Variants in SHISA9 observed in about 807,000 individuals in gnomAD.
The protein encoded by SHISA9 is shisa family member 9.
A neutral mutation model predicts 38.0 loss-of-function variants in SHISA9; 13 were observed. The observed-to-expected ratio is 0.34, with a 90% confidence interval of 0.22 to 0.54. SHISA9 has a LOEUF of 0.54. Among genes scored for constraint, SHISA9 ranks in the 20% least tolerant of loss-of-function variants. The pLI is 0.91. For synonymous variants in SHISA9, 275 were observed against 242.0 expected (o/e 1.14, Z -1.27); for missense variants, 538 against 575.8 (o/e 0.93, Z 0.67).
At chr16:13,318,850 AAC>A in the SHISA9 span, among the ~76,000 whole-genome samples, 1 of 152,312 alleles carries the variant, frequency 6.6e-6, no homozygotes, top group Non-Finnish European at 1.5e-5. Context: ...GAAACTACAA[AAC>A]ACACTTCAAA....
the SHISA9 span, among the ~76,000 whole-genome samples, chr16:13,339,202 G>A: frequency 7.2e-6 from 1 of 139,102 alleles, no homozygotes; most frequent in Admixed American, 7.7e-5. Flanking sequence ...GACACAGTCT[G>A]GTCTGTATGG....
the SHISA9 span, among the ~76,000 whole-genome samples, chr16:13,410,188 A>G: frequency 6.6e-6 from 1 of 152,330 alleles, no homozygotes; most frequent in Non-Finnish European, 1.5e-5. Context: ...GTTGATTTTT[A>G]GTATGAAATT....
chr16:13,469,365 A>AAGAAAGAAAAAAAG, the SHISA9 span, among the ~76,000 whole-genome samples: 1 of 64,456 alleles, frequency 1.6e-5, no homozygotes, highest in Non-Finnish European at 3.1e-5. Context: ...AAAGAAAAGA[A>AAGAAAGAAAAAAAG]AAAGAAAGAA....
chr16:13,132,212 T>C (rs988058727), intron 2 of SHISA9, among the ~76,000 whole-genome samples: 2 of 152,174 alleles, frequency 1.3e-5, no homozygotes, highest in Non-Finnish European at 2.9e-5. Flanking sequence ...GGTGACTTTG[T>C]GTGTCTTAGT....
In SHISA9 at chr16:13,239,095, T is replaced by G. The variant is rs1046826197; in HGVS notation, c.*3686T>G. On this transcript the variant is annotated 3_prime_UTR_variant, in exon 5 of 5. Coordinates refer to ENST00000558583, the MANE Select transcript of SHISA9 (RefSeq NM_001145204.3). ...GTGAGAACATGCAGTGTTTGGTTTT[T>G]TTGTCCTTGCGATAGTTTACTGAGA... is the stretch of plus-strand genomic sequence containing the variant. 2 of 150,496 alleles carry G rather than the reference T, an allele frequency of 1.3e-5. No individual in the cohort carries two copies. Among genetic ancestry groups the G allele is most frequent in the African/African-American group, 4.9e-5 (2 of 40,996 alleles). 9.3% of individuals were successfully genotyped at this position (150,496 alleles called of 1,614,324 possible). A position where few individuals can be genotyped will look rare whatever the true frequency, so the allele number is the denominator to read the frequency against.
the SHISA9 span, among the ~76,000 whole-genome samples, chr16:13,441,260 G>A: frequency 2.0e-5 from 3 of 152,172 alleles, no homozygotes. Context: ...GCTTAAACCT[G>A]CCAGGCTCAG....
At chr16:13,328,591 TACACACACACACACACAC>T in the SHISA9 span, among the ~76,000 whole-genome samples, 123 of 139,968 alleles carry the variant, frequency 8.8e-4, 1 homozygote, top group East Asian at 4.3e-4. Context: ...TATATGTGTA[TACACACACACACACACAC>T]ACACACACAC....
intron 2 of SHISA9, among the ~76,000 whole-genome samples, chr16:13,032,137 G>A (rs6498370): frequency 0.78 from 118,129 of 152,004 alleles, 46,374 homozygotes; most frequent in African/African-American, 0.89. Flanking sequence ...TAAGCCCCGC[G>A]TGCATTAGGT....
chr16:13,084,200 T>A (rs903577437), intron 2 of SHISA9, among the ~76,000 whole-genome samples: 6 of 152,180 alleles, frequency 3.9e-5, no homozygotes, highest in African/African-American at 1.4e-4. Flanking sequence ...CAATCCAAGT[T>A]CACAGAGAGA....
intron 2 of SHISA9, among the ~76,000 whole-genome samples, chr16:13,087,820 C>T (rs766073560): frequency 6.6e-6 from 1 of 151,676 alleles, no homozygotes; most frequent in Non-Finnish European, 1.5e-5. Context: ...TGCAGAAGCT[C>T]TTTAATTAGA....
chr16:13,509,372 C>T, the SHISA9 span, among the ~76,000 whole-genome samples: 1 of 152,106 alleles, frequency 6.6e-6, no homozygotes, highest in Non-Finnish European at 1.5e-5. Context: ...ACTCAGACTG[C>T]CTGGATTCAA....
Position 13,115,679 on chromosome 16 carries a change from A to G in SHISA9, c.692-87715A>G, listed in dbSNP as rs1347613519. 4.6e-5 allele frequency among the ~76,000 whole-genome samples: 7 copies of G among 152,296 alleles called. No homozygotes were observed. The East Asian group carries it at 9.7e-4, about 21-fold the overall frequency. On this transcript the variant is annotated intron_variant, in intron 2 of 4. Coordinates refer to ENST00000558583, the MANE Select transcript of SHISA9 (RefSeq NM_001145204.3). ...CCAGATTTTGGGAGGCTTGCTCCCAACACCGTATGCCCCAGGCACCAAATA... is the reference window on the plus strand; with the variant it reads ...CCAGATTTTGGGAGGCTTGCTCCCAGCACCGTATGCCCCAGGCACCAAATA...
intron 1 of SHISA9, chr16:12,911,033 C>T (rs78315047): frequency 5.4e-4 from 89 of 165,390 alleles, no homozygotes; most frequent in African/African-American, 2.1e-3. Context: ...CAGAAACACC[C>T]AGAATAATGT....
chr16:13,315,629 G>T, the SHISA9 span, among the ~76,000 whole-genome samples: 1 of 152,184 alleles, frequency 6.6e-6, no homozygotes, highest in Non-Finnish European at 1.5e-5. Flanking sequence ...TTTCTCATCT[G>T]TAAAATGGGA....
chr16:13,379,454 C>G, the SHISA9 span, among the ~76,000 whole-genome samples: 1 of 152,316 alleles, frequency 6.6e-6, no homozygotes, highest in African/African-American at 2.4e-5. Flanking sequence ...GTCCCCCCGC[C>G]ACTTCCCTCC....
the SHISA9 span, among the ~76,000 whole-genome samples, chr16:13,484,794 A>T: frequency 2.0e-5 from 3 of 152,056 alleles, no homozygotes; most frequent in African/African-American, 2.4e-5. Context: ...GTTGCTATAC[A>T]CTTTTAAACA....
intron 2 of SHISA9, among the ~76,000 whole-genome samples, chr16:13,120,168 A>T (rs1448055845): frequency 6.6e-6 from 1 of 152,166 alleles, no homozygotes; most frequent in Non-Finnish European, 1.5e-5. Context: ...AAGGGTGCAG[A>T]TATGCAATTA....
intron 2 of SHISA9, among the ~76,000 whole-genome samples, chr16:13,095,427 A>G (rs2073815256): frequency 1.3e-5 from 2 of 152,266 alleles, no homozygotes; most frequent in African/African-American, 4.8e-5. Flanking sequence ...AAGGCAGATT[A>G]GAGGGGCCAT....
At chr16:13,097,616 C>T (rs1370493743) in intron 2 of SHISA9, among the ~76,000 whole-genome samples, 3 of 152,086 alleles carry the variant, frequency 2.0e-5, no homozygotes, top group Non-Finnish European at 4.4e-5. Context: ...GTTATCCAGG[C>T]TGGGCTTGAA....
Sources: allele counts gnomAD v4.1 joint callset (sites outside exome capture counted in the v4.1 genomes callset), GRCh38; gene constraint gnomAD v4.1.1; transcripts MANE v1.5; gene names NCBI Gene and HGNC (gene_info 2026-07-23, HGNC 2026-07-21).